The following KLHL11 variants were observed in gnomAD, a reference collection of about 807,000 sequenced individuals.
The protein encoded by KLHL11 is kelch-like protein 11.
KLHL11 carries 26 observed loss-of-function variants against 56.1 expected under a neutral mutation model. The ratio of observed to expected loss-of-function variants is 0.46; its 90% CI spans 0.34 to 0.64. The LOEUF (loss-of-function observed/expected upper bound fraction) is 0.64, where lower values mean the gene tolerates loss of function less well. Among genes scored for constraint, KLHL11 ranks in the 30% least tolerant of loss-of-function variants. The pLI is 0.01. For synonymous variants in KLHL11, 338 were observed against 345.8 expected, an observed-to-expected ratio of 0.98 and a Z score of 0.25; for missense variants, 627 against 919.4, an observed-to-expected ratio of 0.68 and a Z score of 4.11.
At chr17:41,858,093 C>G (rs1305810229) in intron 1 of KLHL11, among the ~76,000 whole-genome samples, 2 of 152,140 alleles carry the variant, frequency 1.3e-5, no homozygotes, top group African/African-American at 4.8e-5. Context: ...GCTGGGGTTA[C>G]AGGCGTGAGC....
At chr17:41,858,950 T>C (rs2048385604) in intron 1 of KLHL11, among the ~76,000 whole-genome samples, 1 of 152,116 alleles carries the variant, frequency 6.6e-6, no homozygotes, top group African/African-American at 2.4e-5. Context: ...GGCAGGAACT[T>C]CTTTGGGGAT....
In KLHL11 at chr17:41,853,610, T is replaced by A. The variant is rs1312389428; in HGVS notation, c.*130A>T. 2 of 1,091,930 alleles carry A rather than the reference T, an allele frequency of 1.8e-6. No individual in the cohort carries two copies. The highest frequency in any genetic ancestry group is 2.5e-6 in the Non-Finnish European group (2 of 785,644). 67.6% of individuals were successfully genotyped at this position (1,091,930 alleles called of 1,614,324 possible). ...CCATTCTTTAGTTTTTAACTCTATT[T>A]CCTTTATATGGGGTAATAATCAGTT... On this transcript the variant is annotated 3_prime_UTR_variant, in exon 2 of 2. Coordinates refer to ENST00000319121, the MANE Select transcript of KLHL11 (RefSeq NM_018143.3).
chr17:41,851,289 TTATATTA>T lies in KLHL11; in HGVS notation c.*2444_*2450del, dbSNP rs1433458708. The stretch of plus-strand genomic sequence containing the variant: ...CACATTGTAAACTGTTAGGAATCCT[TTATATTA>T]ACTGAGCATTAAGAGTAAATTTGAG... On this transcript the variant is annotated 3_prime_UTR_variant, in exon 2 of 2. Coordinates refer to ENST00000319121, the MANE Select transcript of KLHL11 (RefSeq NM_018143.3). 6.6e-6 allele frequency: 1 copy of T among 152,086 alleles called. No individual in the cohort carries two copies. The highest frequency in any genetic ancestry group is 2.4e-5 in the African/African-American group (1 of 41,402). The allele number at this position is 152,086 out of a possible 1,614,324, so 9.4% of individuals were successfully genotyped here. A position where few individuals can be genotyped will look rare whatever the true frequency, so the allele number is the denominator to read the frequency against.
At position 41,853,368 on chromosome 17, in the gene KLHL11, CA is replaced by C. The variant is rs1303655067; in HGVS notation, c.*371del. 6.6e-6 allele frequency among the ~76,000 whole-genome samples: 1 copy of C among 152,156 alleles called. No individual in the cohort carries two copies. Among genetic ancestry groups the C allele is most frequent in the Non-Finnish European group, 1.5e-5 (1 of 68,028 alleles). On this transcript the variant is annotated 3_prime_UTR_variant, in exon 2 of 2. Transcript: ENST00000319121. ...TTTAATAAAAAATGAAAAAGAATAT[CA>C]AAGTAAATGTGCAAATAAAATTGGT...
rs2048335423 is a variant in KLHL11 at position 41,852,105 on chromosome 17, C to G, written c.*1635G>C. ...CACAGCTCATTTCAGCCTCAACCTT[C>G]CCAGGCTCTGGTGATCCTCCCACCT... On this transcript the variant is annotated 3_prime_UTR_variant, in exon 2 of 2. Transcript: ENST00000319121. Among the ~76,000 whole-genome samples, 1 of 152,102 alleles carries G rather than the reference C, an allele frequency of 6.6e-6. No individual in the cohort carries two copies. Among genetic ancestry groups the G allele is most frequent in the African/African-American group, 2.4e-5 (1 of 41,412 alleles).
Position 41,853,775 on chromosome 17 carries a change from T to A in KLHL11, c.2092A>T (p.Met698Leu). The change falls in exon 2 of 2, where the codon ATG becomes TTG. Residue 698 changes from methionine to leucine, a missense_variant. Met to Leu is a conservative substitution (Grantham distance 15). Coordinates refer to ENST00000319121, the MANE Select transcript of KLHL11 (RefSeq NM_018143.3). ...MQEIHRHALN[M>L]RRVPSSQIEC Reference sequence around the variant, plus strand: ...ATCTGAGAGCTTGGCACTCGCCTCATGTTCAGGGCGTGACGATGTATCTCT... The same window carrying A: ...ATCTGAGAGCTTGGCACTCGCCTCAAGTTCAGGGCGTGACGATGTATCTCT... 6.2e-7 allele frequency: 1 copy of A among 1,613,606 alleles called. No homozygotes were observed. Among genetic ancestry groups the A allele is most frequent in the East Asian group, 2.2e-5 (1 of 44,884 alleles).
rs1415484410 is a variant in KLHL11, at chr17:41,860,868, G to C, written c.545+3958C>G. Reference sequence around the variant, plus strand: ...TGGATTCTACACTGAAGAATAACCAGAATATTTCACCCCAAAATATACTCA... The same window carrying C: ...TGGATTCTACACTGAAGAATAACCACAATATTTCACCCCAAAATATACTCA... On this transcript the variant is annotated intron_variant, in intron 1 of 1. Coordinates refer to ENST00000319121, the MANE Select transcript of KLHL11 (RefSeq NM_018143.3). Among the ~76,000 whole-genome samples, 3 of 152,098 alleles carry C rather than the reference G, an allele frequency of 2.0e-5. No individual in the cohort carries two copies. The East Asian group carries it at 5.8e-4, about 29-fold the overall frequency.
At position 41,850,445 on chromosome 17, in the gene KLHL11, AAC is replaced by A. The variant is rs2048326613; in HGVS notation, c.*3293_*3294del. ...AATTTCTGTCACATGATGTGAAAAAAACACAACCCCACAAATGACTTGGTAAT... is the reference window on the plus strand; with the variant it reads ...AATTTCTGTCACATGATGTGAAAAAAACAACCCCACAAATGACTTGGTAAT... On this transcript the variant is annotated 3_prime_UTR_variant, in exon 2 of 2. Transcript: ENST00000319121. The A allele has an allele frequency of 6.6e-6, 1 of 152,200 alleles. No homozygotes were observed. The highest frequency in any genetic ancestry group is 1.5e-5 in the Non-Finnish European group (1 of 68,032). The allele number at this position is 152,200 out of a possible 1,614,324, so 9.4% of individuals were successfully genotyped here.
intron 1 of KLHL11, among the ~76,000 whole-genome samples, chr17:41,858,511 C>T (rs2048382596): frequency 6.6e-6 from 1 of 151,746 alleles, no homozygotes; most frequent in South Asian, 2.1e-4. Flanking sequence ...TGGCTCACTG[C>T]AACCTCCGCC....
intron 1 of KLHL11, among the ~76,000 whole-genome samples, chr17:41,857,715 T>A (rs570605032): frequency 3.9e-4 from 60 of 152,200 alleles, no homozygotes; most frequent in South Asian, 1.9e-3. Flanking sequence ...GCGATCACAG[T>A]GCGCTACAGC....
chr17:41,853,547 G>T lies in KLHL11; in HGVS notation c.*193C>A. 1.8e-6 allele frequency: 1 copy of T among 559,940 alleles called. No homozygotes were observed. The highest frequency in any genetic ancestry group is 3.2e-5 in the East Asian group (1 of 31,682). The allele number at this position is 559,940 out of a possible 1,614,324, so 34.7% of individuals were successfully genotyped here. A position where few individuals can be genotyped will look rare whatever the true frequency, so the allele number is the denominator to read the frequency against. On this transcript the variant is annotated 3_prime_UTR_variant, in exon 2 of 2. Coordinates refer to ENST00000319121, the MANE Select transcript of KLHL11 (RefSeq NM_018143.3). ...AACAAACAAACCAAAGACAAAAATTGCAAGCTAACAAAATGACCATGTATT... is the reference window on the plus strand; with the variant it reads ...AACAAACAAACCAAAGACAAAAATTTCAAGCTAACAAAATGACCATGTATT...
In KLHL11 at chr17:41,849,211, C is replaced by T. The variant is rs2048318326; in HGVS notation, c.*4529G>A. 1 of 152,096 alleles carries T rather than the reference C, an allele frequency of 6.6e-6. No individual in the cohort carries two copies. The highest frequency in any genetic ancestry group is 2.4e-5 in the African/African-American group (1 of 41,416). 9.4% of individuals were successfully genotyped at this position (152,096 alleles called of 1,614,324 possible). A position where few individuals can be genotyped will look rare whatever the true frequency, so the allele number is the denominator to read the frequency against. Reference sequence around the variant, plus strand: ...AGCACCCTCTGGTGTAGACAGAGTACTTGGTTTACAGTAATGTACAACACT... The same window carrying T: ...AGCACCCTCTGGTGTAGACAGAGTATTTGGTTTACAGTAATGTACAACACT... On this transcript the variant is annotated 3_prime_UTR_variant, in exon 2 of 2. Transcript: ENST00000319121.
intron 1 of KLHL11, 40 bp downstream of exon 1, chr17:41,864,786 C>A: frequency 1.4e-6 from 2 of 1,481,208 alleles, no homozygotes; most frequent in South Asian, 1.4e-5. Flanking sequence ...TCCCCCTCTC[C>A]GCGCCCGCCG....
At position 41,851,988 on chromosome 17, in the gene KLHL11, C is replaced by T. The variant is rs914647972; in HGVS notation, c.*1752G>A. On this transcript the variant is annotated 3_prime_UTR_variant, in exon 2 of 2. Transcript: ENST00000319121. The stretch of plus-strand genomic sequence containing the variant: ...AGGAGACATAAGATAATTCGAATAA[C>T]GTATAAAACTAAATAAAAGATAGCT... Among the ~76,000 whole-genome samples the T allele has an allele frequency of 2.6e-5, 4 of 151,714 alleles. No individual in the cohort carries two copies. Among genetic ancestry groups the T allele is most frequent in the South Asian group, 2.1e-4 (1 of 4,822 alleles).
Position 41,848,794 on chromosome 17 carries a change from T to G in KLHL11, c.*4946A>C, listed in dbSNP as rs1555621796. The G allele has an allele frequency of 1.3e-5, 2 of 157,924 alleles. No homozygotes were observed. Among genetic ancestry groups the G allele is most frequent in the African/African-American group, 4.8e-5 (2 of 41,472 alleles). The allele number at this position is 157,924 out of a possible 1,614,324, so 9.8% of individuals were successfully genotyped here. On this transcript the variant is annotated 3_prime_UTR_variant, in exon 2 of 2. Transcript: ENST00000319121. ...TCAACGAGCCCAAGCACACGGATCA[T>G]AAAATCTTCAAACACCTAGCAAGCA...
intron 1 of KLHL11, among the ~76,000 whole-genome samples, chr17:41,858,653 C>T (rs1018758529): frequency 2.6e-5 from 4 of 151,956 alleles, no homozygotes; most frequent in Admixed American, 6.6e-5. Flanking sequence ...AGGCTGGGCT[C>T]GAACTCTTCA....
chr17:41,864,768 C>T, intron 1 of KLHL11, 58 bp downstream of exon 1: 2 of 1,445,926 alleles, frequency 1.4e-6, no homozygotes, highest in Non-Finnish European at 1.8e-6. Flanking sequence ...CCTCCGCCAG[C>T]GAGCATCTCC....
At position 41,854,499 on chromosome 17, in the gene KLHL11, A is replaced by G; in HGVS notation, c.1368T>C (p.Tyr456=). The change falls in exon 2 of 2, where the codon TAT becomes TAC. Residue 456 remains tyrosine (Y), a synonymous_variant. Coordinates refer to ENST00000319121, the MANE Select transcript of KLHL11 (RefSeq NM_018143.3). The surrounding 1 kb of genome is among the most constrained non-coding windows in gnomAD (Gnocchi z 4.9). ...FGLTEVKGKL[Y]SIGGHGNFSP... ...TAAAGTTGCCATGTCCTCCAATGCT[A>G]TAGAGCTTCCCTTTGACTTCTGTTA... 1 of 1,614,226 alleles carries G rather than the reference A, an allele frequency of 6.2e-7. No homozygotes were observed. Among genetic ancestry groups the G allele is most frequent in the Non-Finnish European group, 8.5e-7 (1 of 1,180,036 alleles).
At chr17:41,855,741 G>A (rs1555622459) in intron 1 of KLHL11, among the ~76,000 whole-genome samples, 23 of 148,828 alleles carry the variant, frequency 1.5e-4, no homozygotes. Context: ...GCACAATCTT[G>A]GCTCATGGCA....
Sources: allele counts gnomAD v4.1 joint callset (sites outside exome capture counted in the v4.1 genomes callset), GRCh38; gene constraint gnomAD v4.1.1; non-coding constraint Gnocchi (gnomAD v3.1); transcripts MANE v1.5; gene names NCBI Gene and HGNC (gene_info 2026-07-23, HGNC 2026-07-21).